The following SACS variants were observed in gnomAD, a reference collection of about 807,000 sequenced individuals.
SACS encodes the protein sacsin.
A neutral mutation model predicts 348.0 loss-of-function variants in SACS; 197 were observed. The observed-to-expected ratio is 0.57, with a 90% CI of 0.50 to 0.64. The LOEUF is 0.64. SACS is among the 30% of genes least tolerant of loss of function. The probability of loss-of-function intolerance (pLI) is 0.00; values close to 1 mark genes in which losing one functional copy is unlikely to be tolerated. For missense variants in SACS, 4,999 were observed against 5,360.8 expected, an observed-to-expected ratio of 0.93 and a Z score of 2.11; for synonymous variants, 1,985 against 1,910.6, an observed-to-expected ratio of 1.04 and a Z score of -1.02.
intron 2 of SACS, among the ~76,000 whole-genome samples, chr13:23,381,107 G>T (rs1872034700): frequency 6.6e-6 from 1 of 152,220 alleles, no homozygotes; most frequent in South Asian, 2.1e-4. Flanking sequence ...TTTGTAATTT[G>T]TCTAAAGTTC....
chr13:23,426,669 G>T (rs1874196292), intron 1 of SACS, among the ~76,000 whole-genome samples: 1 of 150,912 alleles, frequency 6.6e-6, no homozygotes, highest in Non-Finnish European at 1.5e-5. Flanking sequence ...AAGTACATTG[G>T]TTTGGTCTGG....
rs550917081 is a variant in SACS at position 23,337,969 on chromosome 13, A to T, written c.5907T>A (p.His1969Gln). 14 of 1,614,050 alleles carry T rather than the reference A, an allele frequency of 8.7e-6. No homozygotes were observed. In the African/African-American group the frequency reaches 1.2e-4, roughly 14 times the overall value. Residue 1969 changes from histidine to glutamine, a missense_variant, in exon 10 of 10, where the codon CAT (histidine) becomes CAA (glutamine). Physicochemically the swap from His to Gln is conservative, Grantham distance 24. Around this residue, in one of 6 missense-constraint regions of SACS, gnomAD observed 3,156 missense variants for 3,380.1 expected, o/e 0.93. Transcript: ENST00000382292. Reference protein sequence around the residue: ...ICQGFYEDIAHGKGKELTKVF... With the variant: ...ICQGFYEDIAQGKGKELTKVF... Reference sequence around the variant, plus strand: ...CTTTGGTCAGTTCTTTCCCTTTTCCATGAGCTATATCTTCATAAAATCCTT... The same window carrying T: ...CTTTGGTCAGTTCTTTCCCTTTTCCTTGAGCTATATCTTCATAAAATCCTT...
Position 23,340,708 on chromosome 13 carries a change from A to T in SACS, c.3168T>A (p.Pro1056=). The change falls in exon 10 of 10, where the codon CCT becomes CCA. Residue 1056 remains proline (P), a synonymous_variant. Coordinates refer to ENST00000382292, the MANE Select transcript of SACS (RefSeq NM_014363.6). The stretch of plus-strand genomic sequence containing the variant: ...AGAGATCCTTTAGTACTTCTATATC[A>T]GGGTCAAAGAGTTCACCAGCTGATA... The part of the protein sequence containing the change: ...QMVSAGELFD[P]DIEVLKDLFC... 1 of 1,591,380 alleles carries T rather than the reference A, an allele frequency of 6.3e-7. No individual in the cohort carries two copies. Among genetic ancestry groups the T allele is most frequent in the Non-Finnish European group, 8.5e-7 (1 of 1,171,432 alleles).
chr13:23,432,446 G>T (rs1302151782), intron 1 of SACS, among the ~76,000 whole-genome samples: 1 of 152,188 alleles, frequency 6.6e-6, no homozygotes, highest in Non-Finnish European at 1.5e-5. Flanking sequence ...GGACGGCTAA[G>T]GAGGATAGAG....
chr13:23,367,226 T>C (rs1043887090), intron 5 of SACS, among the ~76,000 whole-genome samples: 2 of 152,210 alleles, frequency 1.3e-5, no homozygotes, highest in Non-Finnish European at 2.9e-5. Context: ...AAAACTGTTT[T>C]TGAATTCGCT....
At chr13:23,409,053 T>TTTTTTTTTTTTTG in intron 2 of SACS, among the ~76,000 whole-genome samples, 1 of 74,894 alleles carries the variant, frequency 1.3e-5, no homozygotes, top group Non-Finnish European at 2.8e-5. Flanking sequence ...TTTTTTTTTT[T>TTTTTTTTTTTTTG]TTTTTTTTTT....
intron 2 of SACS, among the ~76,000 whole-genome samples, chr13:23,383,332 C>T (rs896020951): frequency 6.6e-6 from 1 of 152,098 alleles, no homozygotes; most frequent in Non-Finnish European, 1.5e-5. Context: ...ACTCAGGGCC[C>T]CAGCTGTTCT....
Position 23,433,636 on chromosome 13 carries a change from T to C in SACS, c.-523A>G, listed in dbSNP as rs902061143. On this transcript the variant is annotated 5_prime_UTR_variant, in exon 1 of 10. Coordinates refer to ENST00000382292, the MANE Select transcript of SACS (RefSeq NM_014363.6). Reference sequence around the variant, plus strand: ...TTACTGGGGGCTGTGGGCATCAGGGTCTCTCGGCCTTTGTTTTCCTCCAGT... The same window carrying C: ...TTACTGGGGGCTGTGGGCATCAGGGCCTCTCGGCCTTTGTTTTCCTCCAGT... The C allele has an allele frequency of 6.6e-6, 1 of 152,280 alleles. No individual in the cohort carries two copies. Among genetic ancestry groups the C allele is most frequent in the African/African-American group, 2.4e-5 (1 of 41,428 alleles). The allele number at this position is 152,280 out of a possible 1,614,324, so 9.4% of individuals were successfully genotyped here.
chr13:23,393,644 A>G (rs1872610290), intron 2 of SACS, among the ~76,000 whole-genome samples: 1 of 151,396 alleles, frequency 6.6e-6, no homozygotes, highest in Non-Finnish European at 1.5e-5. Flanking sequence ...TTTGTCCCTG[A>G]CTCCTGGCAC....
At chr13:23,398,876 T>C (rs1210164292) in intron 2 of SACS, among the ~76,000 whole-genome samples, 1 of 149,792 alleles carries the variant, frequency 6.7e-6, no homozygotes, top group Non-Finnish European at 1.5e-5. Context: ...TCTACTAAAA[T>C]ACAAAAAAAA....
intron 6 of SACS, among the ~76,000 whole-genome samples, chr13:23,361,796 A>G (rs1034321333): frequency 3.9e-5 from 6 of 152,188 alleles, no homozygotes; most frequent in Admixed American, 2.6e-4. Context: ...AGGAAAAAAA[A>G]AAAAGGAATA....
In SACS at chr13:23,375,157, G is replaced by A; in HGVS notation, c.133C>T (p.Pro45Ser). The part of the protein sequence containing the change: ...KERIFAETGF[P>S]VSEQRLWRGG... The stretch of plus-strand genomic sequence containing the variant: ...CGCCACAGCCGCTGCTCCGACACCG[G>A]GAAGCCAGTCTCCGCGAAGATACGT... Residue 45 changes from proline to serine, a missense_variant, in exon 3 of 10, where the codon CCG becomes TCG. Coordinates refer to ENST00000382292, the MANE Select transcript of SACS (RefSeq NM_014363.6). The A allele has an allele frequency of 3.3e-6, 5 of 1,504,740 alleles. No homozygotes were observed. The highest frequency in any genetic ancestry group is 4.4e-6 in the Non-Finnish European group (5 of 1,127,132). 93.2% of individuals were successfully genotyped at this position (1,504,740 alleles called of 1,614,324 possible).
chr13:23,427,775 G>T (rs1350235563), intron 1 of SACS: 1 of 152,280 alleles, frequency 6.6e-6, no homozygotes, highest in African/African-American at 2.4e-5. Context: ...CCGGAGAGAA[G>T]GGGGGATAAA....
intron 5 of SACS, among the ~76,000 whole-genome samples, chr13:23,366,399 T>G (rs1221596595): frequency 6.6e-6 from 1 of 151,800 alleles, no homozygotes; most frequent in South Asian, 2.1e-4. Context: ...TCCTGCAGCC[T>G]CATTATCAGC....
At chr13:23,358,812 CT>C (rs1003598194) in intron 6 of SACS, among the ~76,000 whole-genome samples, 5 of 152,046 alleles carry the variant, frequency 3.3e-5, no homozygotes, top group African/African-American at 9.7e-5. Context: ...ATATTTAAAT[CT>C]TTTTTTGGTA....
chr13:23,373,009 C>T (rs1157615697), intron 3 of SACS, among the ~76,000 whole-genome samples: 1 of 152,176 alleles, frequency 6.6e-6, no homozygotes, highest in East Asian at 1.9e-4. Flanking sequence ...AGTCAACACA[C>T]CCTGCCACTT....
In SACS at chr13:23,338,210, C is replaced by T; in HGVS notation, c.5666G>A (p.Cys1889Tyr). The change falls in exon 10 of 10, where the codon TGC becomes TAC. Residue 1889 changes from cysteine (C) to tyrosine (Y), a missense_variant. By Grantham distance (194) the Cys-to-Tyr change is radical. Coordinates refer to ENST00000382292, the MANE Select transcript of SACS (RefSeq NM_014363.6). Reference protein sequence around the residue: ...KTGLPVHINGCFAVTSNRKEI... With the variant: ...KTGLPVHINGYFAVTSNRKEI... ...TTTCCTATTTGATGTAACAGCAAAGCACCCATTGATATGAACTGGCAAGCC... is the reference window on the plus strand; with the variant it reads ...TTTCCTATTTGATGTAACAGCAAAGTACCCATTGATATGAACTGGCAAGCC... 1 of 1,614,120 alleles carries T rather than the reference C, an allele frequency of 6.2e-7. No homozygotes were observed. The highest frequency in any genetic ancestry group is 8.5e-7 in the Non-Finnish European group (1 of 1,180,008).
rs766702575 is a variant in SACS at position 23,355,822 on chromosome 13, C to T, written c.790G>A (p.Gly264Ser). ...CGGAAAAATGTTCCTGGAAAATTGC[C>T]GTTTATAAATGTTTCCTTGGTGCTT... Reference protein sequence around the residue: ...FGSTKETFINGNFPGTFFRFP... With the variant: ...FGSTKETFINSNFPGTFFRFP... The change falls in exon 8 of 10, where the codon GGC becomes AGC. Residue 264 changes from glycine to serine, a missense_variant. Physicochemically the swap from Gly to Ser is moderately conservative, Grantham distance 56. Around this residue, in one of 6 missense-constraint regions of SACS, gnomAD observed 3,156 missense variants for 3,380.1 expected, o/e 0.93. Transcript: ENST00000382292. 2.5e-6 allele frequency: 4 copies of T among 1,614,002 alleles called. No individual in the cohort carries two copies. The highest frequency in any genetic ancestry group is 2.2e-5 in the East Asian group (1 of 44,886).
intron 2 of SACS, among the ~76,000 whole-genome samples, chr13:23,393,820 G>A (rs945340472): frequency 6.6e-6 from 1 of 152,016 alleles, no homozygotes; most frequent in Non-Finnish European, 1.5e-5. Flanking sequence ...GAGTGCAGTG[G>A]CACGATCTCG....
Sources: allele counts gnomAD v4.1 joint callset (sites outside exome capture counted in the v4.1 genomes callset), GRCh38; gene constraint gnomAD v4.1.1; regional missense constraint gnomAD v4.1.1; transcripts MANE v1.5; gene names NCBI Gene and HGNC (gene_info 2026-07-23, HGNC 2026-07-21).